RALGPS2: variants seen among roughly 807,000 people sequenced by gnomAD.
RALGPS2 encodes the protein Ral GEF with PH domain and SH3 binding motif 2, also known as ras-specific guanine nucleotide-releasing factor RalGPS2.
RALGPS2 carries 43 observed loss-of-function variants against 86.8 expected under a neutral mutation model. The observed-to-expected ratio is 0.50, with a 90% CI of 0.39 to 0.64. The LOEUF is 0.64. RALGPS2 is among the 30% of genes least tolerant of loss of function. The pLI is 0.00. For synonymous variants in RALGPS2, 243 were observed against 231.3 expected (o/e 1.05, Z -0.46); for missense variants, 536 against 694.6 (o/e 0.77, Z 2.57).
At chr1:178,865,912 G>T (rs1658375562) in intron 8 of RALGPS2, 4 of 615,204 alleles carry the variant, frequency 6.5e-6, no homozygotes, top group Non-Finnish European at 1.1e-5. Flanking sequence ...AATATTTATT[G>T]GTGTTAATAG....
At chr1:178,796,173 A>T (rs1654182321) in intron 4 of RALGPS2, among the ~76,000 whole-genome samples, 2 of 152,182 alleles carry the variant, frequency 1.3e-5, no homozygotes, top group South Asian at 4.1e-4. Flanking sequence ...CAGAGATAGG[A>T]AAAGAAAGCT....
chr1:178,824,741 G>A (rs1418447127), intron 7 of RALGPS2, among the ~76,000 whole-genome samples: 3 of 152,044 alleles, frequency 2.0e-5, no homozygotes, highest in African/African-American at 4.8e-5. Context: ...CCCAGGAGGC[G>A]GAGCTTGCAG....
chr1:178,793,436 C>T (rs528263881), intron 4 of RALGPS2, among the ~76,000 whole-genome samples: 20 of 144,506 alleles, frequency 1.4e-4, no homozygotes, highest in Admixed American at 1.1e-3. Flanking sequence ...AATGGGGTCT[C>T]GCAGTGTTGC....
At chr1:178,896,407 GGA>G (rs1659939099) in intron 16 of RALGPS2, among the ~76,000 whole-genome samples, 2 of 151,826 alleles carry the variant, frequency 1.3e-5, no homozygotes, top group South Asian at 4.2e-4. Context: ...GGTGGTAGAG[GGA>G]GAGAGATTGA....
At chr1:178,757,283 T>C (rs142272612) in intron 1 of RALGPS2, among the ~76,000 whole-genome samples, 1 of 152,296 alleles carries the variant, frequency 6.6e-6, no homozygotes, top group East Asian at 1.9e-4. Flanking sequence ...CCTATTTGGA[T>C]GCCTTTTATT....
At chr1:178,890,094 T>G in intron 14 of RALGPS2, among the ~76,000 whole-genome samples, 1 of 151,972 alleles carries the variant, frequency 6.6e-6, no homozygotes, top group East Asian at 1.9e-4. Flanking sequence ...GACAAAATGA[T>G]TTAATAAATT....
chr1:178,759,452 C>T (rs1652120955), intron 1 of RALGPS2, among the ~76,000 whole-genome samples: 1 of 150,908 alleles, frequency 6.6e-6, no homozygotes, highest in Non-Finnish European at 1.5e-5. Context: ...GTTTTTATGC[C>T]AGTACATGCT....
intron 16 of RALGPS2, among the ~76,000 whole-genome samples, chr1:178,896,088 G>C (rs1219303252): frequency 6.6e-6 from 1 of 152,032 alleles, no homozygotes; most frequent in African/African-American, 2.4e-5. Flanking sequence ...AAGCCTAGCA[G>C]TTACAGTACT....
chr1:178,821,590 C>T (rs1202809508), intron 6 of RALGPS2, 22 bp from the exon 7 acceptor site: 1 of 1,582,158 alleles, frequency 6.3e-7, no homozygotes, highest in Non-Finnish European at 8.6e-7. Flanking sequence ...TCCCTCTCCC[C>T]CATTTTTTTT....
chr1:178,909,212 A>G (rs1329159882), intron 19 of RALGPS2, among the ~76,000 whole-genome samples: 1 of 152,156 alleles, frequency 6.6e-6, no homozygotes, highest in African/African-American at 2.4e-5. Context: ...AGATGGTAGT[A>G]GGTGTGAGGC....
At chr1:178,787,880 T>G (rs887150131) in intron 4 of RALGPS2, among the ~76,000 whole-genome samples, 1 of 152,216 alleles carries the variant, frequency 6.6e-6, no homozygotes, top group Non-Finnish European at 1.5e-5. Flanking sequence ...AAATGCTTTT[T>G]TACCCAGTAG....
At chr1:178,847,399 T>C (rs1656919057) in intron 8 of RALGPS2, among the ~76,000 whole-genome samples, 2 of 152,102 alleles carry the variant, frequency 1.3e-5, no homozygotes, top group South Asian at 4.1e-4. Context: ...TGAGCCGAGA[T>C]TGTGCCATTG....
At chr1:178,909,643 A>ATTTTTTTTTTTTTT (rs57890269) in intron 19 of RALGPS2, among the ~76,000 whole-genome samples, 5 of 72,384 alleles carry the variant, frequency 6.9e-5, no homozygotes, top group Non-Finnish European at 7.6e-5. Context: ...TTCTTTTTTA[A>ATTTTTTTTTTTTTT]TTTTTTTTTT....
chr1:178,867,221 T>C (rs1658472327), intron 8 of RALGPS2, among the ~76,000 whole-genome samples: 1 of 152,166 alleles, frequency 6.6e-6, no homozygotes, highest in African/African-American at 2.4e-5. Context: ...TTTTAAGCCA[T>C]TTTCATGTTT....
intron 8 of RALGPS2, chr1:178,865,903 ATATT>A (rs1214371741): frequency 7.4e-6 from 5 of 676,970 alleles, no homozygotes; most frequent in Middle Eastern, 3.2e-4. Flanking sequence ...GAAAAACTGA[ATATT>A]TATTGGTGTT....
At chr1:178,787,467 C>CT (rs1653712287) in intron 4 of RALGPS2, among the ~76,000 whole-genome samples, 1 of 152,096 alleles carries the variant, frequency 6.6e-6, no homozygotes, top group Admixed American at 6.5e-5. Flanking sequence ...ATCTTACATT[C>CT]TTTTTTCTCC....
chr1:178,789,125 T>G (rs949009855), intron 4 of RALGPS2, among the ~76,000 whole-genome samples: 29 of 152,154 alleles, frequency 1.9e-4, no homozygotes, highest in Admixed American at 2.6e-4. Context: ...CAGGCTTGTC[T>G]CAAACTCCTG....
At chr1:178,881,002 C>G (rs986473111) in intron 10 of RALGPS2, among the ~76,000 whole-genome samples, 4 of 152,090 alleles carry the variant, frequency 2.6e-5, no homozygotes, top group African/African-American at 9.7e-5. Context: ...ACCAGAGCAG[C>G]CCTTCCATTA....
chr1:178,745,641 A>AC (rs1216305790), intron 1 of RALGPS2, among the ~76,000 whole-genome samples: 1 of 152,154 alleles, frequency 6.6e-6, no homozygotes, highest in Non-Finnish European at 1.5e-5. Flanking sequence ...TGAATCAAAG[A>AC]CCTAAATGGT....
Sources: allele counts gnomAD v4.1 joint callset (sites outside exome capture counted in the v4.1 genomes callset), GRCh38; gene constraint gnomAD v4.1.1; transcripts MANE v1.5; gene names NCBI Gene and HGNC (gene_info 2026-07-23, HGNC 2026-07-21).